ENPP2: variants seen among roughly 807,000 people sequenced by gnomAD.
The protein encoded by ENPP2 is autotaxin.
Under a neutral mutation model 120.2 loss-of-function variants are expected in ENPP2, and 51 were observed. That is an observed-to-expected ratio of 0.42 (90% CI 0.34 to 0.54). The LOEUF is 0.54. ENPP2 is among the 20% of genes least tolerant of loss of function. The pLI is 0.04. For missense variants in ENPP2, 920 were observed against 1,066.5 expected (o/e 0.86, Z 1.91); for synonymous variants, 365 against 366.4 (o/e 1.00, Z 0.04).
chr8:119,641,053 CA>C (rs1455566598), upstream of ENPP2, among the ~76,000 whole-genome samples: 5 of 152,148 alleles, frequency 3.3e-5, no homozygotes, highest in Non-Finnish European at 7.4e-5. Context: ...GGCCCTCAGC[CA>C]CTATTTCTGT....
chr8:119,658,367 C>T (rs1817827146), intron 1 of ENPP2, among the ~76,000 whole-genome samples: 1 of 152,188 alleles, frequency 6.6e-6, no homozygotes, highest in South Asian at 2.1e-4. Context: ...AACTCCTGGG[C>T]TCAAGGGATC....
At chr8:119,657,802 AG>A (rs1411128643) in intron 1 of ENPP2, among the ~76,000 whole-genome samples, 1 of 152,216 alleles carries the variant, frequency 6.6e-6, no homozygotes, top group Non-Finnish European at 1.5e-5. Context: ...TATGGCGTGA[AG>A]GGGTCATTGT....
intron 9 of ENPP2, among the ~76,000 whole-genome samples, chr8:119,604,587 CAA>C (rs34725889): frequency 0.56 from 80,320 of 143,466 alleles, 22,338 homozygotes; most frequent in South Asian, 0.72. Context: ...TAGAAATGGT[CAA>C]AAAAAAAAAA....
intron 14 of ENPP2, 128 bp downstream of exon 14, chr8:119,586,916 G>C: frequency 1.4e-6 from 1 of 735,722 alleles, no homozygotes; most frequent in South Asian, 1.6e-5. Flanking sequence ...CAAATATACA[G>C]GATGGCAGGG....
chr8:119,630,194 T>C (rs756153791), intron 2 of ENPP2, among the ~76,000 whole-genome samples: 1 of 151,302 alleles, frequency 6.6e-6, no homozygotes, highest in Non-Finnish European at 1.5e-5. Context: ...CTGCAACCTC[T>C]GCCTCCCGGG....
chr8:119,588,654 G>T (rs1813288434), intron 13 of ENPP2, among the ~76,000 whole-genome samples: 1 of 151,910 alleles, frequency 6.6e-6, no homozygotes, highest in Non-Finnish European at 1.5e-5. Flanking sequence ...AGGAGGAGGA[G>T]TTGGCACTCT....
chr8:119,662,097 G>A (rs972604477), intron 1 of ENPP2, among the ~76,000 whole-genome samples: 9 of 152,054 alleles, frequency 5.9e-5, no homozygotes, highest in African/African-American at 1.7e-4. Flanking sequence ...GGAGGACTAG[G>A]TTCTCAAACT....
chr8:119,647,404 G>A (rs1764244301), intron 1 of ENPP2, among the ~76,000 whole-genome samples: 1 of 152,026 alleles, frequency 6.6e-6, no homozygotes, highest in Non-Finnish European at 1.5e-5. Context: ...AATATAATAG[G>A]AACACAATAA....
At chr8:119,629,064 A>G (rs947533566) in intron 2 of ENPP2, among the ~76,000 whole-genome samples, 4 of 152,150 alleles carry the variant, frequency 2.6e-5, no homozygotes, top group African/African-American at 9.7e-5. Context: ...GCGTGTGGGT[A>G]TGTATATTTA....
At chr8:119,582,124 A>G (rs1812790905) in intron 18 of ENPP2, among the ~76,000 whole-genome samples, 1 of 152,238 alleles carries the variant, frequency 6.6e-6, no homozygotes, top group African/African-American at 2.4e-5. Flanking sequence ...TGAAGAAAAC[A>G]GAAAAAGATT....
Position 119,584,013 on chromosome 8 carries a change from T to C in ENPP2, c.1404A>G (p.Lys468=), listed in dbSNP as rs747556345. The C allele has an allele frequency of 6.2e-7, 1 of 1,613,526 alleles. No individual in the cohort carries two copies. The highest frequency in any genetic ancestry group is 8.5e-7 in the Non-Finnish European group (1 of 1,179,488). The change falls in exon 16 of 25, where the codon AAA becomes AAG. Residue 468 remains lysine, a synonymous_variant. Transcript: ENST00000075322. ...ATCCGTGGTCTCCCTGGAAAAAGCA[T>C]TTTCCTGATGGTTTCTTATAAACAT... ...PLDVYKKPSG[K]CFFQGDHGFD...
intron 2 of ENPP2, among the ~76,000 whole-genome samples, chr8:119,638,008 T>G (rs77716752): frequency 2.5e-4 from 38 of 152,348 alleles, no homozygotes; most frequent in East Asian, 1.5e-3. Flanking sequence ...GCTCACTGCC[T>G]TTTTTACTTC....
At position 119,570,702 on chromosome 8, in the gene ENPP2, G is replaced by T; in HGVS notation, c.1917+3C>A. 6.6e-7 allele frequency: 1 copy of T among 1,514,626 alleles called. No homozygotes were observed. Among genetic ancestry groups the T allele is most frequent in the Non-Finnish European group, 8.9e-7 (1 of 1,125,148 alleles). The allele number at this position is 1,514,626 out of a possible 1,614,324, so 93.8% of individuals were successfully genotyped here. ...AAATATAAAATCCAATTTTCTCAAT[G>T]ACCTGTTTGGAAACAGTATATGATG... On this transcript the variant is annotated splice_donor_region_variant and intron_variant, in intron 20 of 24. Coordinates refer to ENST00000075322, the MANE Select transcript of ENPP2 (RefSeq NM_001040092.3).
At chr8:119,673,284 C>G (rs1818308827) in exon 1 of ENPP2, 1 of 1,535,318 alleles carries the variant, frequency 6.5e-7, no homozygotes, top group Non-Finnish European at 8.7e-7. Context: ...CTGCGGGAGT[C>G]TCGGCGTCTG....
intron 9 of ENPP2, among the ~76,000 whole-genome samples, chr8:119,604,542 G>C (rs1814555474): frequency 6.6e-6 from 1 of 150,862 alleles, no homozygotes; most frequent in African/African-American, 2.4e-5. Flanking sequence ...CACCACCACT[G>C]ATTGATGCAG....
Position 119,617,447 on chromosome 8 carries a change from G to A in ENPP2, c.577+19C>T, listed in dbSNP as rs767730547. The A allele has an allele frequency of 5.3e-6, 8 of 1,512,794 alleles. No individual in the cohort carries two copies. Among genetic ancestry groups the A allele is most frequent in the Non-Finnish European group, 7.3e-6 (8 of 1,091,574 alleles). The allele number at this position is 1,512,794 out of a possible 1,614,324, so 93.7% of individuals were successfully genotyped here. On this transcript the variant is annotated intron_variant, in intron 6 of 24. Transcript: ENST00000075322. ...ATCCTAGATTACAGATAAGAACACA[G>A]AGTATGGAAATTACTTACTTAGTTT...
At chr8:119,640,832 TCCA>T (rs372051829), upstream of ENPP2, among the ~76,000 whole-genome samples, 502 of 152,296 alleles carry the variant, frequency 3.3e-3, 4 homozygotes, top group African/African-American at 0.012. Flanking sequence ...CACTGCAGCC[TCCA>T]CCTCCCGGGT....
chr8:119,566,805 T>TAATA (rs1459641002), intron 22 of ENPP2, among the ~76,000 whole-genome samples: 13 of 152,220 alleles, frequency 8.5e-5, no homozygotes, highest in African/African-American at 2.9e-4. Context: ...GCATTCTATG[T>TAATA]AATATTGTGA....
chr8:119,563,539 A>G (rs992867509), intron 23 of ENPP2, among the ~76,000 whole-genome samples: 4 of 152,196 alleles, frequency 2.6e-5, no homozygotes, highest in East Asian at 3.8e-4. Flanking sequence ...TCAAGCTACA[A>G]TGAGATGCAG....
Sources: allele counts gnomAD v4.1 joint callset (sites outside exome capture counted in the v4.1 genomes callset), GRCh38; gene constraint gnomAD v4.1.1; transcripts MANE v1.5; gene names NCBI Gene and HGNC (gene_info 2026-07-23, HGNC 2026-07-21).